STRN: variants seen among roughly 807,000 people sequenced by gnomAD.
STRN encodes protein phosphatase 2 regulatory subunit B'''alpha.
STRN carries 53 observed loss-of-function variants against 96.3 expected under a neutral mutation model. The observed-to-expected ratio is 0.55, with a 90% CI of 0.44 to 0.69. The LOEUF (loss-of-function observed/expected upper bound fraction) is 0.69, where lower values mean the gene tolerates loss of function less well. Among genes scored for constraint, STRN ranks in the 30% least tolerant of loss-of-function variants. The pLI, the probability that STRN is intolerant of heterozygous loss-of-function variation, is 0.00. For missense variants in STRN, 987 were observed against 963.9 expected (o/e 1.02, Z -0.32); for synonymous variants, 428 against 355.9 (o/e 1.20, Z -2.28).
chr2:36,894,989 T>G (rs150226052), intron 6 of STRN, among the ~76,000 whole-genome samples: 91 of 152,238 alleles, frequency 6.0e-4, no homozygotes, highest in Non-Finnish European at 1.1e-3. Flanking sequence ...GGTGGCATCA[T>G]AAACAACTCC....
At chr2:36,965,856 C>T (rs944941541) in intron 1 of STRN, among the ~76,000 whole-genome samples, 1 of 152,136 alleles carries the variant, frequency 6.6e-6, no homozygotes. Flanking sequence ...AAGGGGCACA[C>T]CAGGGCAGCG....
At chr2:36,882,126 C>T (rs534207210) in intron 9 of STRN, among the ~76,000 whole-genome samples, 11 of 151,890 alleles carry the variant, frequency 7.2e-5, no homozygotes, top group African/African-American at 7.2e-5. Context: ...GTATTCCAAT[C>T]GTGAAAATCT....
rs1271204610 is a variant in STRN, at chr2:36,847,897, A to G, written c.*1559T>C. 2 of 152,212 alleles carry G rather than the reference A, an allele frequency of 1.3e-5. No homozygotes were observed. Among genetic ancestry groups the G allele is most frequent in the East Asian group, 3.8e-4 (2 of 5,204 alleles). 9.4% of individuals were successfully genotyped at this position (152,212 alleles called of 1,614,324 possible). A position where few individuals can be genotyped will look rare whatever the true frequency, so the allele number is the denominator to read the frequency against. ...TTTTAATTGGTTAAAATATCTATAG[A>G]TTTAATATTTTTAAAATCTAAGAGC... On this transcript the variant is annotated 3_prime_UTR_variant, in exon 18 of 18. Transcript: ENST00000263918.
intron 1 of STRN, among the ~76,000 whole-genome samples, chr2:36,937,253 A>G (rs1445210356): frequency 6.6e-6 from 1 of 151,182 alleles, no homozygotes; most frequent in East Asian, 2.0e-4. Flanking sequence ...CTGAGGCAGG[A>G]GAATCGCATG....
intron 12 of STRN, among the ~76,000 whole-genome samples, chr2:36,865,097 TCCA>T (rs1265383123): frequency 6.6e-6 from 1 of 152,240 alleles, no homozygotes; most frequent in African/African-American, 2.4e-5. Flanking sequence ...CAATTGTGAA[TCCA>T]TCTCAACCTG....
intron 9 of STRN, among the ~76,000 whole-genome samples, chr2:36,883,305 A>T (rs1275864782): frequency 6.6e-6 from 1 of 152,124 alleles, no homozygotes; most frequent in East Asian, 1.9e-4. Context: ...AAATACAAAA[A>T]AATTAGCTAG....
At chr2:36,902,869 C>CCTG in intron 4 of STRN, 118 bp from the exon 5 acceptor site, 1 of 757,922 alleles carries the variant, frequency 1.3e-6, no homozygotes, top group South Asian at 3.0e-5. Context: ...CAGTACAGTA[C>CCTG]TATGCTAGTA....
Position 36,846,387 on chromosome 2 carries a change from T to TTATATATATATATA in STRN, c.*3055_*3068dup, listed in dbSNP as rs57446302. The TTATATATATATATA allele has an allele frequency of 3.7e-3, 287 of 78,254 alleles. 2 individuals carry two copies. Among genetic ancestry groups the TTATATATATATATA allele is most frequent in the Middle Eastern group, 6.7e-3 (1 of 150 alleles). 4.8% of individuals were successfully genotyped at this position (78,254 alleles called of 1,614,324 possible). A position where few individuals can be genotyped will look rare whatever the true frequency, so the allele number is the denominator to read the frequency against. ...CAAAACAGTAAAATGCACCTATGGTTTATATATATATATATATATATATAT... is the reference window on the plus strand; with the variant it reads ...CAAAACAGTAAAATGCACCTATGGTTTATATATATATATATATATATATATATATATATATATAT... On this transcript the variant is annotated 3_prime_UTR_variant, in exon 18 of 18. Transcript: ENST00000263918.
intron 1 of STRN, among the ~76,000 whole-genome samples, chr2:36,934,480 A>AT (rs1172331373): frequency 6.6e-6 from 1 of 152,188 alleles, no homozygotes; most frequent in Admixed American, 6.5e-5. Context: ...CTTGCAAATG[A>AT]TAAGTCTTCT....
intron 7 of STRN, among the ~76,000 whole-genome samples, chr2:36,892,043 A>C (rs1669415289): frequency 6.6e-6 from 1 of 152,358 alleles, no homozygotes; most frequent in South Asian, 2.1e-4. Flanking sequence ...ATTTTAAGTA[A>C]AACACACTAA....
At position 36,870,083 on chromosome 2, in the gene STRN, C is replaced by T. The variant is rs1383789217; in HGVS notation, c.1324-354G>A. On this transcript the variant is annotated intron_variant, in intron 10 of 17. Transcript: ENST00000263918. ...TAATTTTGGGTTAAGAGTTGAAAAA[C>T]TAAGTTATCTTTAAACCTGCTAACA... Among the ~76,000 whole-genome samples, 3 of 152,066 alleles carry T rather than the reference C, an allele frequency of 2.0e-5. No individual in the cohort carries two copies. The South Asian group carries it at 6.2e-4, about 32-fold the overall frequency.
At chr2:36,902,525 C>T (rs1215203908) in intron 5 of STRN, 59 bp downstream of exon 5, 7 of 1,429,384 alleles carry the variant, frequency 4.9e-6, no homozygotes, top group Admixed American at 4.8e-5. Context: ...GTCCATAAAA[C>T]CAAAAATATT....
intron 9 of STRN, 83 bp from the exon 10 acceptor site, chr2:36,878,110 T>C: frequency 1.4e-6 from 2 of 1,455,096 alleles, no homozygotes; most frequent in South Asian, 1.2e-5. Flanking sequence ...AAATTTCTTA[T>C]AAGTGCACGT....
chr2:36,852,060 C>T (rs1668235213), intron 15 of STRN, among the ~76,000 whole-genome samples: 1 of 152,182 alleles, frequency 6.6e-6, no homozygotes, highest in African/African-American at 2.4e-5. Flanking sequence ...AGTTGTGACT[C>T]CTCCACAATC....
chr2:36,858,699 C>T (rs1668409317), intron 13 of STRN, among the ~76,000 whole-genome samples: 2 of 152,200 alleles, frequency 1.3e-5, no homozygotes, highest in South Asian at 4.1e-4. Flanking sequence ...AGATGACTCA[C>T]AAATGTTAAG....
At chr2:36,929,477 A>G (rs139090975) in intron 1 of STRN, among the ~76,000 whole-genome samples, 1 of 151,108 alleles carries the variant, frequency 6.6e-6, no homozygotes, top group South Asian at 2.1e-4. Context: ...TCAGCCTCCC[A>G]GGGTCGAAGT....
chr2:36,959,459 A>G (rs1054998286), intron 1 of STRN, among the ~76,000 whole-genome samples: 1 of 152,210 alleles, frequency 6.6e-6, no homozygotes, highest in African/African-American at 2.4e-5. Flanking sequence ...CTGTAAAGAT[A>G]TCTGGAGATG....
In STRN at chr2:36,843,561, A is replaced by G. The variant is rs1293430015; in HGVS notation, c.*5895T>C. ...AGAAGCTATTTTAATTTGGCTTTTC[A>G]GAGGCCCAAATTCTCTATAAACTTC... On this transcript the variant is annotated 3_prime_UTR_variant, in exon 18 of 18. Transcript: ENST00000263918. The G allele has an allele frequency of 6.6e-6, 1 of 152,178 alleles. No homozygotes were observed. Among genetic ancestry groups the G allele is most frequent in the African/African-American group, 2.4e-5 (1 of 41,450 alleles). The allele number at this position is 152,178 out of a possible 1,614,324, so 9.4% of individuals were successfully genotyped here. A position where few individuals can be genotyped will look rare whatever the true frequency, so the allele number is the denominator to read the frequency against.
At chr2:36,881,524 C>T (rs1292509983) in intron 9 of STRN, among the ~76,000 whole-genome samples, 1 of 152,168 alleles carries the variant, frequency 6.6e-6, no homozygotes, top group Non-Finnish European at 1.5e-5. Flanking sequence ...GGACTGAAGA[C>T]CAAGAAGTAT....
Sources: gnomAD v4.1 joint callset for allele counts (sites outside exome capture counted in the v4.1 genomes callset) on GRCh38, gnomAD v4.1.1 for gene constraint, MANE v1.5 for transcripts, NCBI Gene and HGNC (gene_info 2026-07-23, HGNC 2026-07-21) for gene names.